Variants in KCNK3 observed in about 807,000 individuals in gnomAD.
KCNK3 encodes the protein potassium channel subfamily K member 3.
A neutral mutation model predicts 27.3 loss-of-function variants in KCNK3; 9 were observed. The observed-to-expected ratio is 0.33, with a 90% confidence interval of 0.20 to 0.57. The LOEUF is 0.57. Among genes scored for constraint, KCNK3 ranks in the 20% least tolerant of loss-of-function variants. KCNK3 has a pLI of 0.87. For missense variants in KCNK3, 391 were observed against 577.7 expected (o/e 0.68, Z 3.31); for synonymous variants, 278 against 273.8 (o/e 1.02, Z -0.15).
chr2:26,694,997 T>A (rs1670217673), intron 1 of KCNK3, among the ~76,000 whole-genome samples: 1 of 152,046 alleles, frequency 6.6e-6, no homozygotes, highest in Admixed American at 6.5e-5. Context: ...ACCAAACCAA[T>A]TCCCTTCTTG....
rs1348409682 is a variant in KCNK3 at position 26,728,675 on chromosome 2, T to A, written c.*107T>A. 3.2e-6 allele frequency: 3 copies of A among 930,590 alleles called. No homozygotes were observed. Among genetic ancestry groups the A allele is most frequent in the African/African-American group, 3.5e-5 (2 of 57,330 alleles). The allele number at this position is 930,590 out of a possible 1,614,324, so 57.6% of individuals were successfully genotyped here. On this transcript the variant is annotated 3_prime_UTR_variant, in exon 2 of 2. Transcript: ENST00000302909. ...CTGCCCAGTGGGACCCCGCACAACATCCCTCACCACTCTCCCCCAGCACCC... is the reference window on the plus strand; with the variant it reads ...CTGCCCAGTGGGACCCCGCACAACAACCCTCACCACTCTCCCCCAGCACCC...
chr2:26,692,820 G>A lies in KCNK3; in HGVS notation c.-56G>A. The A allele has an allele frequency of 1.0e-6, 1 of 990,948 alleles. No homozygotes were observed. Among genetic ancestry groups the A allele is most frequent in the Non-Finnish European group, 1.2e-6 (1 of 822,980 alleles). The allele number at this position is 990,948 out of a possible 1,614,324, so 61.4% of individuals were successfully genotyped here. On this transcript the variant is annotated 5_prime_UTR_variant, in exon 1 of 2. Coordinates refer to ENST00000302909, the MANE Select transcript of KCNK3 (RefSeq NM_002246.3). This position sits in a 1 kb window ranked among gnomAD's most constrained non-coding sequence, Gnocchi z 5.6. ...CTCCGGGGCAGCAGCAGCGGCGGCC[G>A]GGGCCGAGGCGCGGGCCGGGGGCGC...
At chr2:26,700,627 TG>T (rs570412513) in intron 1 of KCNK3, among the ~76,000 whole-genome samples, 3 of 152,362 alleles carry the variant, frequency 2.0e-5, no homozygotes, top group African/African-American at 7.2e-5. Context: ...GCCATGTGGC[TG>T]CCAGGAATGT....
At chr2:26,720,428 A>G (rs567976956) in intron 1 of KCNK3, among the ~76,000 whole-genome samples, 5 of 152,270 alleles carry the variant, frequency 3.3e-5, no homozygotes, top group African/African-American at 1.2e-4. Context: ...CTGGCCAGGG[A>G]GGCAGGCCTG....
intron 1 of KCNK3, among the ~76,000 whole-genome samples, chr2:26,703,590 C>T (rs887762210): frequency 2.0e-5 from 3 of 152,202 alleles, no homozygotes; most frequent in Non-Finnish European, 2.9e-5. Context: ...TGGCTTCAGC[C>T]TTCCTTTCAG....
Position 26,727,810 on chromosome 2 carries a change from G to A in KCNK3, c.427G>A (p.Ala143Thr). Residue 143 changes from alanine (A) to threonine (T), a missense_variant, in exon 2 of 2, where the codon GCC (alanine) becomes ACC (threonine). Physicochemically the swap from Ala to Thr is moderately conservative, Grantham distance 58. This residue lies in a region of KCNK3 where 158 missense variants were observed against 267.7 expected (regional missense o/e 0.59). Coordinates refer to ENST00000302909, the MANE Select transcript of KCNK3 (RefSeq NM_002246.3). Reference protein sequence around the residue: ...NTLVRYLLHRAKKGLGMRRAD... With the variant: ...NTLVRYLLHRTKKGLGMRRAD... Reference sequence around the variant, plus strand: ...CTTGGTGAGGTACCTGCTGCACCGCGCCAAGAAGGGGCTGGGCATGCGGCG... The same window carrying A: ...CTTGGTGAGGTACCTGCTGCACCGCACCAAGAAGGGGCTGGGCATGCGGCG... 6.2e-7 allele frequency: 1 copy of A among 1,611,274 alleles called. No homozygotes were observed. Among genetic ancestry groups the A allele is most frequent in the South Asian group, 1.1e-5 (1 of 90,908 alleles).
At chr2:26,708,167 G>A (rs545722641) in intron 1 of KCNK3, among the ~76,000 whole-genome samples, 21 of 152,212 alleles carry the variant, frequency 1.4e-4, no homozygotes, top group Non-Finnish European at 2.8e-4. Context: ...GTGAGAGGGA[G>A]AGCTGCCTTC....
At chr2:26,717,187 G>A (rs1663248351) in intron 1 of KCNK3, among the ~76,000 whole-genome samples, 1 of 152,152 alleles carries the variant, frequency 6.6e-6, no homozygotes, top group Non-Finnish European at 1.5e-5. Flanking sequence ...TAATTCCTAT[G>A]CACCATCACC....
intron 1 of KCNK3, among the ~76,000 whole-genome samples, chr2:26,699,202 A>AGG (rs1670273679): frequency 7.7e-6 from 1 of 129,164 alleles, no homozygotes; most frequent in South Asian, 2.6e-4. Context: ...AAGGAAGGAA[A>AGG]GAGAGAGAAA....
chr2:26,695,667 A>G lies in KCNK3; in HGVS notation c.283+2509A>G, dbSNP rs1036431626. ...TAGTACCCAGAGGCTGTGAGCACACACAGAATGCTATTGATGGGTTTAAGG... is the reference window on the plus strand; with the variant it reads ...TAGTACCCAGAGGCTGTGAGCACACGCAGAATGCTATTGATGGGTTTAAGG... On this transcript the variant is annotated intron_variant, in intron 1 of 1. Coordinates refer to ENST00000302909, the MANE Select transcript of KCNK3 (RefSeq NM_002246.3). Among the ~76,000 whole-genome samples the G allele has an allele frequency of 2.8e-4, 42 of 152,200 alleles. 1 individual carries two copies. The highest frequency in any genetic ancestry group is 2.6e-3 in the Admixed American group (40 of 15,278).
intron 1 of KCNK3, among the ~76,000 whole-genome samples, chr2:26,719,616 A>T (rs142599347): frequency 4.6e-5 from 7 of 152,368 alleles, no homozygotes; most frequent in Middle Eastern, 3.4e-3. Flanking sequence ...TATACAGGGC[A>T]CTGAAGTTTT....
chr2:26,710,522 C>T (rs1358529415), intron 1 of KCNK3, among the ~76,000 whole-genome samples: 2 of 152,164 alleles, frequency 1.3e-5, no homozygotes, highest in African/African-American at 2.4e-5. Context: ...CTCAAAGACC[C>T]TTTTGGAGCC....
intron 1 of KCNK3, among the ~76,000 whole-genome samples, chr2:26,727,432 A>G (rs1271308066): frequency 6.6e-6 from 1 of 152,170 alleles, no homozygotes; most frequent in Admixed American, 6.5e-5. Context: ...GTGACCTTGG[A>G]AGTCATCCCT....
intron 1 of KCNK3, among the ~76,000 whole-genome samples, chr2:26,715,841 C>T (rs1173750176): frequency 6.6e-6 from 1 of 152,224 alleles, no homozygotes; most frequent in African/African-American, 2.4e-5. Flanking sequence ...CCAGGACTGT[C>T]GGTCTGGCAT....
At chr2:26,701,549 G>A (rs1043668153) in intron 1 of KCNK3, among the ~76,000 whole-genome samples, 2 of 152,212 alleles carry the variant, frequency 1.3e-5, no homozygotes, top group African/African-American at 4.8e-5. Flanking sequence ...ACATCAGAGC[G>A]GGAAACTGGC....
At chr2:26,712,988 G>A (rs764553563) in intron 1 of KCNK3, among the ~76,000 whole-genome samples, 1 of 152,194 alleles carries the variant, frequency 6.6e-6, no homozygotes, top group Non-Finnish European at 1.5e-5. Context: ...AGGAGCAGAA[G>A]ATGGAGATGG....
chr2:26,699,819 T>G (rs1260383907), intron 1 of KCNK3, among the ~76,000 whole-genome samples: 2 of 152,220 alleles, frequency 1.3e-5, no homozygotes, highest in East Asian at 3.9e-4. Flanking sequence ...GGCATCATCC[T>G]GCACAGTCAA....
At chr2:26,716,672 T>A (rs1305778950) in intron 1 of KCNK3, among the ~76,000 whole-genome samples, 1 of 152,222 alleles carries the variant, frequency 6.6e-6, no homozygotes, top group Non-Finnish European at 1.5e-5. Flanking sequence ...CACCAGATCC[T>A]GCTCAAAATG....
intron 1 of KCNK3, among the ~76,000 whole-genome samples, chr2:26,699,225 G>GAAAGAAAGAAA (rs1199414501): frequency 6.7e-6 from 1 of 148,514 alleles, no homozygotes; most frequent in Non-Finnish European, 1.5e-5. Context: ...AAGAAAGAAA[G>GAAAGAAAGAAA]AAAGAAAGAA....
Sources: allele counts gnomAD v4.1 joint callset (sites outside exome capture counted in the v4.1 genomes callset), GRCh38; gene constraint gnomAD v4.1.1; regional missense constraint gnomAD v4.1.1; non-coding constraint Gnocchi (gnomAD v3.1); transcripts MANE v1.5; gene names NCBI Gene and HGNC (gene_info 2026-07-23, HGNC 2026-07-21).